VPS13D: variants seen among roughly 807,000 people sequenced by gnomAD.
The protein encoded by VPS13D is vacuolar protein sorting 13 homolog D, also known as intermembrane lipid transfer protein VPS13D.
VPS13D carries 187 observed loss-of-function variants against 461.9 expected under a neutral mutation model. That is an observed-to-expected ratio of 0.40 (90% CI 0.36 to 0.46). VPS13D has a LOEUF of 0.46. VPS13D is among the 20% of genes least tolerant of loss of function. The pLI, the probability that VPS13D is intolerant of heterozygous loss-of-function variation, is 0.60. For missense variants in VPS13D, 4,711 were observed against 5,364.9 expected, an observed-to-expected ratio of 0.88 and a Z score of 3.81; for synonymous variants, 1,951 against 1,986.3, an observed-to-expected ratio of 0.98 and a Z score of 0.47.
Position 12,253,863 on chromosome 1 carries a change from A to G in VPS13D, c.669+37A>G, listed in dbSNP as rs549536210. 50 of 1,575,982 alleles carry G rather than the reference A, an allele frequency of 3.2e-5. 1 individual carries two copies. The South Asian group carries it at 4.3e-4, about 14-fold the overall frequency. ...GCAGGGAGATTTGTTGCAAGACAGC[A>G]TGGAAGGGAAGCGGCGTAGGGTCAC... On this transcript the variant is annotated intron_variant, in intron 7 of 69. Coordinates refer to ENST00000620676, the MANE Select transcript of VPS13D (RefSeq NM_015378.4).
At position 12,276,777 on chromosome 1, in the gene VPS13D, T is replaced by C. The variant is rs764960538; in HGVS notation, c.3189T>C (p.Ala1063=). 2 of 1,614,228 alleles carry C rather than the reference T, an allele frequency of 1.2e-6. No individual in the cohort carries two copies. The highest frequency in any genetic ancestry group is 1.7e-6 in the Non-Finnish European group (2 of 1,180,042). The change falls in exon 19 of 70, where the codon GCT becomes GCC. Residue 1063 remains alanine (A), a synonymous_variant. Transcript: ENST00000620676. The surrounding 1 kb of genome is among the most constrained non-coding windows in gnomAD (Gnocchi z 4.5). Reference sequence around the variant, plus strand: ...GAGCTACACTGAACGACCGATCAGCTACTAGTGTTTCACTTGACAAAATTC... The same window carrying C: ...GAGCTACACTGAACGACCGATCAGCCACTAGTGTTTCACTTGACAAAATTC... ...TDGATLNDRS[A]TSVSLDKILT...
chr1:12,242,015 C>T (rs437102), intron 2 of VPS13D, among the ~76,000 whole-genome samples: 14 of 151,918 alleles, frequency 9.2e-5, no homozygotes, highest in South Asian at 2.1e-4. Flanking sequence ...CAAAGAGACC[C>T]GCCGGCCACA....
At position 12,358,564 on chromosome 1, in the gene VPS13D, C is replaced by A; in HGVS notation, c.10104C>A (p.Ile3368=). ...GTGGTGTCCGAGCTTTGAAAGTCAT[C>A]CAGCAAGGAAACCGCCCAGGGCTGA... ...GGSGVRALKV[I]QQGNRPGLIY... The change falls in exon 50 of 70, where the codon ATC becomes ATA. Residue 3368 remains isoleucine, a synonymous_variant. Transcript: ENST00000620676. 2 of 1,614,150 alleles carry A rather than the reference C, an allele frequency of 1.2e-6. No homozygotes were observed. The highest frequency in any genetic ancestry group is 1.7e-6 in the Non-Finnish European group (2 of 1,180,036).
intron 65 of VPS13D, among the ~76,000 whole-genome samples, chr1:12,417,632 GA>G (rs1289864260): frequency 6.6e-6 from 1 of 152,186 alleles, no homozygotes; most frequent in Non-Finnish European, 1.5e-5. Flanking sequence ...GCCACAGGGT[GA>G]TATGACATAA....
rs777503453 is a variant in VPS13D, at chr1:12,277,688, C to T, written c.4100C>T (p.Ser1367Leu). The stretch of plus-strand genomic sequence containing the variant: ...GAAATATATGGGTTTGACCTAGCTT[C>T]GTCTCATTTGGACACTGTAAAGCTA... ...ENEIYGFDLA[S>L]SHLDTVKLIL... The change falls in exon 19 of 70, where the codon TCG becomes TTG. Residue 1367 changes from serine (S) to leucine (L), a missense_variant. By Grantham distance (145) the Ser-to-Leu change is moderately radical. Transcript: ENST00000620676. 9.3e-6 allele frequency: 15 copies of T among 1,614,070 alleles called. No homozygotes were observed. The highest frequency in any genetic ancestry group is 2.2e-5 in the East Asian group (1 of 44,904).
Position 12,321,952 on chromosome 1 carries a change from A to G in VPS13D, c.7692A>G (p.Pro2564=), listed in dbSNP as rs777077320. 5 of 1,613,560 alleles carry G rather than the reference A, an allele frequency of 3.1e-6. No homozygotes were observed. Among genetic ancestry groups the G allele is most frequent in the Admixed American group, 1.7e-5 (1 of 59,912 alleles). ...LMDAFNSEDF[P]PVLEIQLQAL... is the part of the protein sequence containing the mutation. ...ATGCATTCAATAGTGAAGATTTCCCACCTGTCCTGGAGGTAATGATGCAAA... is the reference window on the plus strand; with the variant it reads ...ATGCATTCAATAGTGAAGATTTCCCGCCTGTCCTGGAGGTAATGATGCAAA... Residue 2564 remains proline (P), a synonymous_variant, in exon 33 of 70, where the codon CCA becomes CCG. Transcript: ENST00000620676.
In VPS13D at chr1:12,311,796, G is replaced by C. The variant is rs1409362080; in HGVS notation, c.6823-17G>C. On this transcript the variant is annotated splice_polypyrimidine_tract_variant and intron_variant, in intron 28 of 69. Transcript: ENST00000620676. The stretch of plus-strand genomic sequence containing the variant: ...GGCATCATCAGCTGTGGATTGACGA[G>C]CATTTTCCTTTTGTAGACTGTCCTG... 2.5e-6 allele frequency: 4 copies of C among 1,608,102 alleles called. No individual in the cohort carries two copies. In the African/African-American group the frequency reaches 5.4e-5, roughly 22 times the overall value.
Position 12,277,900 on chromosome 1 carries a change from C to T in VPS13D, c.4312C>T (p.Gln1438Ter), listed in dbSNP as rs1191395543. ...DIKLYSLNCT[Q>*]LAGREAVGSE... is the part of the protein sequence containing the mutation. ...TAAACTGTATTCTTTGAATTGCACC[C>T]AGTTGGCAGGTAGAGAAGCTGTTGG... Residue 1438 changes from glutamine to a stop codon, truncating the protein, a stop_gained, in exon 19 of 70, where the codon CAG (glutamine) becomes TAG (stop). Coordinates refer to ENST00000620676, the MANE Select transcript of VPS13D (RefSeq NM_015378.4). LOFTEE classifies it high-confidence loss of function. The T allele has an allele frequency of 6.2e-7, 1 of 1,614,158 alleles. No homozygotes were observed. The highest frequency in any genetic ancestry group is 1.7e-5 in the Admixed American group (1 of 60,016).
intron 63 of VPS13D, among the ~76,000 whole-genome samples, chr1:12,406,354 G>A (rs1644654660): frequency 6.6e-6 from 1 of 152,134 alleles, no homozygotes; most frequent in Non-Finnish European, 1.5e-5. Flanking sequence ...AATATATAAT[G>A]GCTAAAAGTG....
At position 12,277,978 on chromosome 1, in the gene VPS13D, A is replaced by G. The variant is rs1269777056; in HGVS notation, c.4390A>G (p.Ser1464Gly). The G allele has an allele frequency of 6.2e-7, 1 of 1,614,236 alleles. No homozygotes were observed. Among genetic ancestry groups the G allele is most frequent in the Non-Finnish European group, 8.5e-7 (1 of 1,180,042 alleles). ...CPPSGSGSAN[S>G]QEEAHFTRHD... The stretch of plus-strand genomic sequence containing the variant: ...ACCTTCCGGGTCTGGCAGTGCCAAC[A>G]GTCAGGAGGAAGCTCATTTCACACG... The change falls in exon 19 of 70, where the codon AGT becomes GGT. Residue 1464 changes from serine to glycine, a missense_variant. By Grantham distance (56) the Ser-to-Gly change is moderately conservative. Coordinates refer to ENST00000620676, the MANE Select transcript of VPS13D (RefSeq NM_015378.4).
In VPS13D at chr1:12,373,854, A is replaced by C; in HGVS notation, c.10913A>C (p.Lys3638Thr). 1 of 1,602,640 alleles carries C rather than the reference A, an allele frequency of 6.2e-7. No homozygotes were observed. Among genetic ancestry groups the C allele is most frequent in the Non-Finnish European group, 8.5e-7 (1 of 1,173,894 alleles). Residue 3638 changes from lysine to threonine, a missense_variant, in exon 55 of 70, where the codon AAG (lysine) becomes ACG (threonine). Around this residue, in one of 3 missense-constraint regions of VPS13D, gnomAD observed 4,411 missense variants for 4,937.8 expected, o/e 0.89. Coordinates refer to ENST00000620676, the MANE Select transcript of VPS13D (RefSeq NM_015378.4). ...AAGACACAAAGAGTCATTTTAAAAAAGAAGGTAAGAGAGCTTACAATCAGA... is the reference window on the plus strand; with the variant it reads ...AAGACACAAAGAGTCATTTTAAAAACGAAGGTAAGAGAGCTTACAATCAGA... ...SPKTQRVILK[K>T]KEPGKRSQLW...
intron 34 of VPS13D, among the ~76,000 whole-genome samples, chr1:12,323,241 T>G (rs1388293350): frequency 6.6e-6 from 1 of 151,970 alleles, no homozygotes; most frequent in Non-Finnish European, 1.5e-5. Flanking sequence ...GCCTCACTAA[T>G]TTTTACCTTT....
At chr1:12,417,235 A>T (rs1214488249) in intron 65 of VPS13D, among the ~76,000 whole-genome samples, 3 of 152,242 alleles carry the variant, frequency 2.0e-5, no homozygotes, top group Non-Finnish European at 4.4e-5. Flanking sequence ...GCTGAAGTAC[A>T]GCCTTCTATA....
intron 3 of VPS13D, 50 bp from the exon 4 acceptor site, chr1:12,244,196 G>A: frequency 6.5e-7 from 1 of 1,535,742 alleles, no homozygotes. Flanking sequence ...AAAATGGAAA[G>A]AATTAAAAAT....
At chr1:12,377,003 G>A (rs1644207374) in intron 55 of VPS13D, among the ~76,000 whole-genome samples, 2 of 152,032 alleles carry the variant, frequency 1.3e-5, no homozygotes, top group African/African-American at 4.8e-5. Flanking sequence ...CATCTATGAG[G>A]AGGGACATAT....
intron 2 of VPS13D, among the ~76,000 whole-genome samples, chr1:12,239,457 G>A (rs1640274622): frequency 6.6e-6 from 1 of 152,180 alleles, no homozygotes; most frequent in Non-Finnish European, 1.5e-5. Flanking sequence ...ATTTTAGCAG[G>A]ATTTCCATAG....
In VPS13D at chr1:12,256,847, A is replaced by G; in HGVS notation, c.841-140A>G. 5 of 771,798 alleles carry G rather than the reference A, an allele frequency of 6.5e-6. 1 individual carries two copies. In the South Asian group the frequency reaches 9.4e-5, roughly 15 times the overall value. The allele number at this position is 771,798 out of a possible 1,614,324, so 47.8% of individuals were successfully genotyped here. On this transcript the variant is annotated intron_variant, in intron 8 of 69. Transcript: ENST00000620676. ...CAGAGAAACATGTCACTTGATGCTG[A>G]TATTTTGGTCTTTCAGTTTGCACTG...
In VPS13D at chr1:12,310,119, A is replaced by G. The variant is rs142286911; in HGVS notation, c.6651-1335A>G. Among the ~76,000 whole-genome samples the G allele has an allele frequency of 2.0e-5, 3 of 152,138 alleles. No individual in the cohort carries two copies. In the East Asian group the frequency reaches 5.8e-4, roughly 29 times the overall value. ...CAAAAAACAAAAAAAAAGCTTTCCTATTCAGCTTATCTAAACTTTCCCCAC... is the reference window on the plus strand; with the variant it reads ...CAAAAAACAAAAAAAAAGCTTTCCTGTTCAGCTTATCTAAACTTTCCCCAC... On this transcript the variant is annotated intron_variant, in intron 27 of 69. Transcript: ENST00000620676.
chr1:12,420,142 A>G (rs1054655737), intron 65 of VPS13D, among the ~76,000 whole-genome samples: 2 of 152,214 alleles, frequency 1.3e-5, no homozygotes. Flanking sequence ...ACACAAAATG[A>G]CCACTTCTTA....
Sources: gnomAD v4.1 joint callset for allele counts (sites outside exome capture counted in the v4.1 genomes callset) on GRCh38, gnomAD v4.1.1 for gene constraint, gnomAD v4.1.1 regional missense constraint, Gnocchi (gnomAD v3.1) non-coding constraint, MANE v1.5 for transcripts, NCBI Gene and HGNC (gene_info 2026-07-23, HGNC 2026-07-21) for gene names.